Variants in MACROD2 observed in about 807,000 individuals in gnomAD.
MACROD2 encodes ADP-ribose glycohydrolase MACROD2.
A neutral mutation model predicts 70.4 loss-of-function variants in MACROD2; 36 were observed. The ratio of observed to expected loss-of-function variants is 0.51; its 90% CI spans 0.39 to 0.68. The LOEUF is 0.68. Among genes scored for constraint, MACROD2 ranks in the 30% least tolerant of loss-of-function variants. The probability of loss-of-function intolerance (pLI) is 0.00; values close to 1 mark genes in which losing one functional copy is unlikely to be tolerated. For missense variants in MACROD2, 496 were observed against 538.4 expected (o/e 0.92, Z 0.78); for synonymous variants, 172 against 178.8 (o/e 0.96, Z 0.30).
intron 4 of MACROD2, among the ~76,000 whole-genome samples, chr20:14,608,476 C>T (rs569296883): frequency 6.6e-6 from 1 of 152,192 alleles, no homozygotes; most frequent in Admixed American, 6.6e-5. Flanking sequence ...AAACTCAGGC[C>T]TAAGTGAAGT....
chr20:15,219,992 A>ATTT (rs200180828), intron 5 of MACROD2, among the ~76,000 whole-genome samples: 21 of 137,796 alleles, frequency 1.5e-4, no homozygotes, highest in Non-Finnish European at 3.0e-4. Flanking sequence ...ATCACTGCAC[A>ATTT]TTTTTTTTTT....
At chr20:16,019,674 G>A (rs1184753113) in intron 15 of MACROD2, among the ~76,000 whole-genome samples, 3 of 152,320 alleles carry the variant, frequency 2.0e-5, no homozygotes, top group East Asian at 3.9e-4. Context: ...AGCAGCAACA[G>A]CATCACCTGG....
intron 3 of MACROD2, among the ~76,000 whole-genome samples, chr20:14,314,416 G>A (rs756220462): frequency 5.3e-5 from 8 of 152,050 alleles, no homozygotes; most frequent in East Asian, 3.9e-4. Context: ...TTGAAGTGTC[G>A]GTTGTATTAT....
At chr20:15,275,426 C>T (rs2077382309) in intron 6 of MACROD2, among the ~76,000 whole-genome samples, 1 of 152,100 alleles carries the variant, frequency 6.6e-6, no homozygotes, top group African/African-American at 2.4e-5. Context: ...TTGAGAAGAG[C>T]CCTCTGGCTG....
chr20:14,873,393 C>T (rs2073512052), intron 5 of MACROD2, among the ~76,000 whole-genome samples: 2 of 152,008 alleles, frequency 1.3e-5, no homozygotes, highest in African/African-American at 2.4e-5. Context: ...TGTTTTAAGT[C>T]GACTTTTGCT....
At chr20:15,811,507 C>A (rs759972131) in intron 8 of MACROD2, among the ~76,000 whole-genome samples, 1 of 152,168 alleles carries the variant, frequency 6.6e-6, no homozygotes. Flanking sequence ...TCTCACTTTC[C>A]TATTTAATTT....
At chr20:15,750,372 A>G (rs2051250181) in intron 8 of MACROD2, among the ~76,000 whole-genome samples, 1 of 152,000 alleles carries the variant, frequency 6.6e-6, no homozygotes, top group Admixed American at 6.6e-5. Context: ...GCTAAAATGT[A>G]GAGAAAAGGG....
At chr20:14,823,668 G>T (rs1398048950) in intron 5 of MACROD2, among the ~76,000 whole-genome samples, 1 of 152,092 alleles carries the variant, frequency 6.6e-6, no homozygotes, top group African/African-American at 2.4e-5. Context: ...GGTCTTGTTG[G>T]TCAGAGCTAA....
chr20:15,223,561 A>G (rs1307666374), intron 5 of MACROD2, among the ~76,000 whole-genome samples: 2 of 152,206 alleles, frequency 1.3e-5, no homozygotes, highest in East Asian at 3.9e-4. Flanking sequence ...TACTAATCTC[A>G]TGTTTCAATC....
intron 5 of MACROD2, among the ~76,000 whole-genome samples, chr20:14,823,840 G>A (rs1410825185): frequency 6.6e-6 from 1 of 152,024 alleles, no homozygotes; most frequent in Non-Finnish European, 1.5e-5. Context: ...CTTTGGGATA[G>A]GAAATAGCAG....
intron 8 of MACROD2, among the ~76,000 whole-genome samples, chr20:15,542,927 C>T (rs577160915): frequency 6.6e-6 from 1 of 152,298 alleles, no homozygotes; most frequent in African/African-American, 2.4e-5. Context: ...GATGGCTCTT[C>T]CGAGTCTACC....
intron 2 of MACROD2, among the ~76,000 whole-genome samples, chr20:14,065,900 C>T (rs1466435939): frequency 6.6e-6 from 1 of 152,114 alleles, no homozygotes; most frequent in East Asian, 1.9e-4. Context: ...ATGCAAAATA[C>T]GTGAGTCGTC....
intron 2 of MACROD2, among the ~76,000 whole-genome samples, chr20:14,019,168 C>G (rs886378332): frequency 2.0e-5 from 3 of 152,156 alleles, no homozygotes; most frequent in Non-Finnish European, 2.9e-5. Context: ...TTTATCAAGA[C>G]AAGGGAATTG....
chr20:15,173,666 T>G (rs1242235933), intron 5 of MACROD2, among the ~76,000 whole-genome samples: 1 of 152,136 alleles, frequency 6.6e-6, no homozygotes, highest in Non-Finnish European at 1.5e-5. Flanking sequence ...TAAAGGGAAG[T>G]CAAAGGTTAT....
intron 8 of MACROD2, among the ~76,000 whole-genome samples, chr20:15,787,996 C>T (rs138645444): frequency 1.3e-5 from 2 of 152,220 alleles, no homozygotes; most frequent in African/African-American, 4.8e-5. Flanking sequence ...TTAATGTAAT[C>T]GTTTCCATCT....
intron 3 of MACROD2, among the ~76,000 whole-genome samples, chr20:14,370,908 A>T (rs769082062): frequency 7.2e-5 from 11 of 152,196 alleles, no homozygotes; most frequent in Non-Finnish European, 1.0e-4. Flanking sequence ...GCAGATGAAA[A>T]TACTAAAAAT....
chr20:15,778,612 A>C (rs1191481829), intron 8 of MACROD2, among the ~76,000 whole-genome samples: 1 of 151,974 alleles, frequency 6.6e-6, no homozygotes, highest in African/African-American at 2.4e-5. Flanking sequence ...TGTAGGCAAA[A>C]ACTTAGTAAA....
intron 5 of MACROD2, among the ~76,000 whole-genome samples, chr20:15,153,627 A>G (rs1164920238): frequency 6.6e-6 from 1 of 152,206 alleles, no homozygotes; most frequent in African/African-American, 2.4e-5. Context: ...TCTCATAAGC[A>G]TAATGTTGAA....
chr20:15,889,628 A>G (rs2064863989), intron 10 of MACROD2, among the ~76,000 whole-genome samples: 1 of 152,174 alleles, frequency 6.6e-6, no homozygotes, highest in African/African-American at 2.4e-5. Context: ...AATTCCTTGT[A>G]AGTCCTTTAA....
Sources: allele counts gnomAD v4.1 joint callset (sites outside exome capture counted in the v4.1 genomes callset), GRCh38; gene constraint gnomAD v4.1.1; transcripts MANE v1.5; gene names NCBI Gene and HGNC (gene_info 2026-07-23, HGNC 2026-07-21).